KIDINS220: variants seen among roughly 807,000 people sequenced by gnomAD.
KIDINS220 encodes kinase D-interacting substrate of 220 kDa.
In KIDINS220, 63 loss-of-function variants were observed where a neutral mutation model predicts 157.6. That is an observed-to-expected ratio of 0.40 (90% CI 0.33 to 0.49). The LOEUF (loss-of-function observed/expected upper bound fraction) is 0.49. KIDINS220 is among the 20% of genes least tolerant of loss of function. The pLI is 0.66. For missense variants in KIDINS220, 1,772 were observed against 2,171.2 expected, an observed-to-expected ratio of 0.82 and a Z score of 3.65; for synonymous variants, 732 against 783.6, an observed-to-expected ratio of 0.93 and a Z score of 1.10.
chr2:8,730,809 T>C lies in KIDINS220; in HGVS notation c.5227A>G (p.Thr1743Ala), dbSNP rs1035747423. 1 of 1,614,270 alleles carries C rather than the reference T, an allele frequency of 6.2e-7. No homozygotes were observed. The highest frequency in any genetic ancestry group is 8.5e-7 in the Non-Finnish European group (1 of 1,180,036). The change falls in exon 30 of 30, where the codon ACA (threonine) becomes GCA (alanine). Residue 1743 changes from threonine (T) to alanine (A), a missense_variant. Thr to Ala is a moderately conservative substitution (Grantham distance 58). Around this residue, in one of 3 missense-constraint regions of KIDINS220, gnomAD observed 793 missense variants for 885.5 expected, o/e 0.90. Coordinates refer to ENST00000256707, the MANE Select transcript of KIDINS220 (RefSeq NM_020738.4). ...TCCGGAGGATCTTTGGAGAGCCTTG[T>C]GTAACTTGAACGTTGGCTTCGCTTA... Reference protein sequence around the residue: ...THKRSQRSSYTRLSKDPPELH... With the variant: ...THKRSQRSSYARLSKDPPELH...
intron 22 of KIDINS220, among the ~76,000 whole-genome samples, chr2:8,764,390 T>A (rs1669167124): frequency 6.6e-6 from 1 of 152,154 alleles, no homozygotes; most frequent in African/African-American, 2.4e-5. Flanking sequence ...CAAAAGCTAT[T>A]GAAATAAAAA....
intron 1 of KIDINS220, among the ~76,000 whole-genome samples, chr2:8,836,988 G>A (rs1680505909): frequency 6.6e-6 from 1 of 152,086 alleles, no homozygotes; most frequent in South Asian, 2.1e-4. Context: ...ATTTTGCCAG[G>A]CGTTTAAAAG....
At chr2:8,781,153 A>ATATATATATATATATAATATATAT (rs70946383) in intron 17 of KIDINS220, among the ~76,000 whole-genome samples, 1 of 130,410 alleles carries the variant, frequency 7.7e-6, no homozygotes, top group African/African-American at 2.8e-5. Flanking sequence ...ATATATATAT[A>ATATATATATATATATAATATATAT]ATATATATAT....
chr2:8,832,148 C>A (rs1237969267), intron 1 of KIDINS220, among the ~76,000 whole-genome samples: 4 of 152,182 alleles, frequency 2.6e-5, no homozygotes, highest in African/African-American at 9.7e-5. Flanking sequence ...CATCTCGAAT[C>A]TTCTAAGTCC....
intron 22 of KIDINS220, among the ~76,000 whole-genome samples, chr2:8,759,899 GTATT>G (rs1208442052): frequency 1.3e-5 from 2 of 152,022 alleles, no homozygotes; most frequent in Non-Finnish European, 2.9e-5. Flanking sequence ...ATCCCATAAG[GTATT>G]TATTATTTCC....
At chr2:8,823,391 T>C (rs540097103) in intron 2 of KIDINS220, among the ~76,000 whole-genome samples, 3 of 147,060 alleles carry the variant, frequency 2.0e-5, no homozygotes, top group African/African-American at 7.6e-5. Context: ...TTTGTAATTC[T>C]ATAAAAATTA....
At chr2:8,791,691 T>C (rs1221662892) in intron 12 of KIDINS220, among the ~76,000 whole-genome samples, 1 of 152,118 alleles carries the variant, frequency 6.6e-6, no homozygotes, top group African/African-American at 2.4e-5. Context: ...ATTTAGTACG[T>C]GTAATACCTA....
Position 8,803,108 on chromosome 2 carries a change from A to G in KIDINS220, c.623T>C (p.Ile208Thr). 3 of 1,610,726 alleles carry G rather than the reference A, an allele frequency of 1.9e-6. No individual in the cohort carries two copies. Among genetic ancestry groups the G allele is most frequent in the African/African-American group, 1.3e-5 (1 of 75,040 alleles). The change falls in exon 8 of 30, where the codon ATT becomes ACT. Residue 208 changes from isoleucine to threonine, a missense_variant. Ile to Thr is a moderately conservative substitution (Grantham distance 89). Transcript: ENST00000256707. ...QEGANSMTAL[I>T]VAVKGGYTQS... is the part of the protein sequence containing the mutation. ...TGTGTAACCTCCTTTCACTGCCACA[A>G]TAAGTGCAGTCATTGAATTCTAAAA...
At chr2:8,721,397 G>A (rs755199289), downstream of KIDINS220, 38 of 152,242 alleles carry the variant, frequency 2.5e-4, no homozygotes, top group Admixed American at 1.4e-3. Context: ...GATATCCATC[G>A]ATCATTAGCC....
intron 7 of KIDINS220, among the ~76,000 whole-genome samples, chr2:8,803,804 G>A (rs1675059306): frequency 6.6e-6 from 1 of 152,134 alleles, no homozygotes; most frequent in Non-Finnish European, 1.5e-5. Flanking sequence ...GAGGCCAGGA[G>A]TTCAAGACCA....
At chr2:8,827,769 T>C (rs1469529237) in intron 1 of KIDINS220, among the ~76,000 whole-genome samples, 1 of 152,236 alleles carries the variant, frequency 6.6e-6, no homozygotes, top group Non-Finnish European at 1.5e-5. Flanking sequence ...AATGGATACA[T>C]GTATCAAAAC....
intron 1 of KIDINS220, among the ~76,000 whole-genome samples, chr2:8,832,169 C>A (rs1458539689): frequency 6.6e-6 from 1 of 152,198 alleles, no homozygotes; most frequent in African/African-American, 2.4e-5. Flanking sequence ...TTTCTAACAA[C>A]CTGTTACAGA....
chr2:8,808,016 G>A (rs868291911), intron 6 of KIDINS220, among the ~76,000 whole-genome samples: 8 of 152,010 alleles, frequency 5.3e-5, no homozygotes, highest in South Asian at 2.1e-4. Context: ...CCCAGCTACC[G>A]GGGAGGCTGA....
At chr2:8,773,747 G>T (rs1670553923) in intron 21 of KIDINS220, among the ~76,000 whole-genome samples, 1 of 152,004 alleles carries the variant, frequency 6.6e-6, no homozygotes, top group Admixed American at 6.6e-5. Context: ...GCTGAGATTA[G>T]AGGGGTGAGC....
At chr2:8,832,958 T>C (rs1368318395) in intron 1 of KIDINS220, among the ~76,000 whole-genome samples, 3 of 152,200 alleles carry the variant, frequency 2.0e-5, no homozygotes, top group Non-Finnish European at 4.4e-5. Context: ...AATATTTGGA[T>C]TACATGCATA....
At chr2:8,763,184 G>A (rs1376625789) in intron 22 of KIDINS220, among the ~76,000 whole-genome samples, 1 of 152,186 alleles carries the variant, frequency 6.6e-6, no homozygotes, top group Admixed American at 6.5e-5. Context: ...AGCTACAGAG[G>A]ACAGGCTCCT....
At position 8,829,447 on chromosome 2, in the gene KIDINS220, C is replaced by G. The variant is rs573170468; in HGVS notation, c.-36-2318G>C. ...CATAGTTGCACTTCTAGGAATTATT[C>G]TAAAAACATGAGAAACATGAACAAA... On this transcript the variant is annotated intron_variant, in intron 1 of 29. Coordinates refer to ENST00000256707, the MANE Select transcript of KIDINS220 (RefSeq NM_020738.4). Among the ~76,000 whole-genome samples, 93 of 152,094 alleles carry G rather than the reference C, an allele frequency of 6.1e-4. 2 individuals carry two copies. Among genetic ancestry groups the G allele is most frequent in the African/African-American group, 2.2e-3 (90 of 41,490 alleles).
At chr2:8,799,456 A>G (rs1444564354) in intron 9 of KIDINS220, among the ~76,000 whole-genome samples, 1 of 151,340 alleles carries the variant, frequency 6.6e-6, no homozygotes, top group Non-Finnish European at 1.5e-5. Context: ...CCTAAATCCA[A>G]CTCATCTTCA....
At chr2:8,818,423 A>ACC (rs1677411798) in intron 3 of KIDINS220, among the ~76,000 whole-genome samples, 3 of 152,126 alleles carry the variant, frequency 2.0e-5, no homozygotes, top group Non-Finnish European at 4.4e-5. Flanking sequence ...TCGTATGTGG[A>ACC]TATCTTCTAG....
Sources: gnomAD v4.1 joint callset for allele counts (sites outside exome capture counted in the v4.1 genomes callset) on GRCh38, gnomAD v4.1.1 for gene constraint, gnomAD v4.1.1 regional missense constraint, MANE v1.5 for transcripts, NCBI Gene and HGNC (gene_info 2026-07-23, HGNC 2026-07-21) for gene names.